PAPPA: variants seen among roughly 807,000 people sequenced by gnomAD.
PAPPA encodes the protein pappalysin 1, also known as pappalysin-1.
In PAPPA, 60 loss-of-function variants were observed where a neutral mutation model predicts 164.0. That is an observed-to-expected ratio of 0.37 (90% CI 0.30 to 0.45). The LOEUF (loss-of-function observed/expected upper bound fraction) is 0.45. Ranked by LOEUF, PAPPA falls within the 20% of genes least tolerant of loss-of-function variation. PAPPA has a pLI of 1.00. For missense variants in PAPPA, 1,782 were observed against 2,087.3 expected (o/e 0.85, Z 2.85); for synonymous variants, 875 against 814.1 (o/e 1.07, Z -1.27).
intron 9 of PAPPA, among the ~76,000 whole-genome samples, chr9:116,279,828 C>T (rs1845246292): frequency 6.6e-6 from 1 of 152,136 alleles, no homozygotes. Context: ...TTTCTTAGCT[C>T]CTGGCTCTCA....
chr9:116,209,337 C>A (rs552738395), intron 3 of PAPPA, among the ~76,000 whole-genome samples: 1 of 152,242 alleles, frequency 6.6e-6, no homozygotes, highest in East Asian at 1.9e-4. Flanking sequence ...TCTCAATGTC[C>A]TTCAATATTA....
intron 6 of PAPPA, among the ~76,000 whole-genome samples, 187 bp from the exon 7 acceptor site, chr9:116,234,952 G>T (rs1476499882): frequency 6.6e-6 from 1 of 152,116 alleles, no homozygotes; most frequent in Admixed American, 6.5e-5. Flanking sequence ...AATCTGTATT[G>T]CAGGGGTGGG....
intron 7 of PAPPA, among the ~76,000 whole-genome samples, chr9:116,245,066 A>G (rs1178612579): frequency 6.6e-6 from 1 of 152,048 alleles, no homozygotes; most frequent in African/African-American, 2.4e-5. Context: ...GACATAGACA[A>G]ATACCTCATA....
intron 1 of PAPPA, among the ~76,000 whole-genome samples, chr9:116,179,660 G>T (rs1454117391): frequency 6.6e-6 from 1 of 152,182 alleles, no homozygotes; most frequent in Non-Finnish European, 1.5e-5. Context: ...TCCTCTGAAT[G>T]CCTGATGGTG....
chr9:116,339,978 GAA>G lies in PAPPA; in HGVS notation c.3612-4561_3612-4560del, dbSNP rs575938420. Among the ~76,000 whole-genome samples the G allele has an allele frequency of 5.6e-4, 86 of 152,228 alleles. No individual in the cohort carries two copies. The Middle Eastern group carries it at 0.01, about 18-fold the overall frequency. On this transcript the variant is annotated intron_variant, in intron 13 of 21. Transcript: ENST00000328252. ...ATTAAACATATAGATAAGAAGAAAA[GAA>G]AAACGTTATTTAAGTATCTGATCAG...
intron 4 of PAPPA, among the ~76,000 whole-genome samples, 155 bp from the exon 5 acceptor site, chr9:116,219,782 G>A (rs1003182409): frequency 6.6e-6 from 1 of 152,192 alleles, no homozygotes; most frequent in Non-Finnish European, 1.5e-5. Flanking sequence ...TTTGTTCACA[G>A]GCCATTAACT....
intron 10 of PAPPA, among the ~76,000 whole-genome samples, chr9:116,315,522 T>C (rs373996949): frequency 6.6e-6 from 1 of 152,360 alleles, no homozygotes; most frequent in Non-Finnish European, 1.5e-5. Context: ...AAACAGCTTC[T>C]GGAGGCTGAG....
At chr9:116,302,414 A>G (rs1180341361) in intron 9 of PAPPA, among the ~76,000 whole-genome samples, 1 of 151,932 alleles carries the variant, frequency 6.6e-6, no homozygotes, top group African/African-American at 2.4e-5. Context: ...GGAAACCACC[A>G]TTTTACTTTC....
At chr9:116,298,704 T>C (rs1312054060) in intron 9 of PAPPA, among the ~76,000 whole-genome samples, 1 of 152,190 alleles carries the variant, frequency 6.6e-6, no homozygotes, top group East Asian at 1.9e-4. Context: ...TTATTGAAAG[T>C]GTATTATGTT....
chr9:116,320,802 G>A (rs755671640), intron 10 of PAPPA, among the ~76,000 whole-genome samples: 3 of 151,862 alleles, frequency 2.0e-5, no homozygotes, highest in African/African-American at 4.8e-5. Flanking sequence ...GTTAACCCTC[G>A]GCTTCCCTTA....
chr9:116,341,802 C>G (rs920851575), intron 13 of PAPPA, among the ~76,000 whole-genome samples: 1 of 152,104 alleles, frequency 6.6e-6, no homozygotes, highest in African/African-American at 2.4e-5. Flanking sequence ...GTTGACAATC[C>G]TAAGAAACAA....
At chr9:116,190,582 A>G (rs75520806) in intron 2 of PAPPA, among the ~76,000 whole-genome samples, 1 of 152,358 alleles carries the variant, frequency 6.6e-6, no homozygotes, top group East Asian at 1.9e-4. Context: ...ATTAAAAGAC[A>G]AGTGATAGGG....
At chr9:116,306,643 A>G (rs1845650330) in intron 10 of PAPPA, among the ~76,000 whole-genome samples, 1 of 152,214 alleles carries the variant, frequency 6.6e-6, no homozygotes, top group African/African-American at 2.4e-5. Context: ...GAAAAAATCA[A>G]GTTATCTCTC....
Position 116,220,133 on chromosome 9 carries a change from A to C in PAPPA, c.2111+4A>C, listed in dbSNP as rs1844425739. The C allele has an allele frequency of 2.5e-6, 4 of 1,609,756 alleles. No individual in the cohort carries two copies. The South Asian group carries it at 4.4e-5, about 18-fold the overall frequency. On this transcript the variant is annotated splice_donor_region_variant and intron_variant, in intron 5 of 21. Transcript: ENST00000328252. ...TAGATGGCCATTTCTTTGAAAGGTG[A>C]GTGTGCCCTGTGTAGTGTTGATCCC...
chr9:116,179,027 C>T (rs527246532), intron 1 of PAPPA, among the ~76,000 whole-genome samples: 15 of 152,332 alleles, frequency 9.8e-5, no homozygotes, highest in Admixed American at 3.9e-4. Flanking sequence ...AGGCATACTA[C>T]TCTCAAGCTT....
intron 12 of PAPPA, 38 bp downstream of exon 12, chr9:116,332,506 C>T (rs1371340042): frequency 6.4e-7 from 1 of 1,574,640 alleles, no homozygotes; most frequent in Non-Finnish European, 8.7e-7. Flanking sequence ...GCTTTCAGTA[C>T]CTGATTCCAC....
intron 10 of PAPPA, among the ~76,000 whole-genome samples, chr9:116,324,941 T>G (rs552453125): frequency 2.0e-5 from 3 of 152,316 alleles, no homozygotes; most frequent in Admixed American, 2.0e-4. Context: ...GAAGGTTCCA[T>G]CCTGTGGATC....
At chr9:116,387,845 C>T (rs2118717893) in intron 21 of PAPPA, among the ~76,000 whole-genome samples, 1 of 152,356 alleles carries the variant, frequency 6.6e-6, no homozygotes, top group South Asian at 2.1e-4. Context: ...AGGCTTGTGT[C>T]TTGCCCAAGC....
chr9:116,358,659 C>T (rs78627178), intron 17 of PAPPA, among the ~76,000 whole-genome samples: 2,507 of 152,244 alleles, frequency 0.016, 28 homozygotes, highest in Non-Finnish European at 0.023. Context: ...CATTTCTTTC[C>T]GCTATTATTT....
Sources: gnomAD v4.1 joint callset for allele counts (sites outside exome capture counted in the v4.1 genomes callset) on GRCh38, gnomAD v4.1.1 for gene constraint, MANE v1.5 for transcripts, NCBI Gene and HGNC (gene_info 2026-07-23, HGNC 2026-07-21) for gene names.